Variants in DLC1 observed in about 807,000 individuals in gnomAD.
DLC1 encodes DLC1 Rho GTPase activating protein.
DLC1 carries 54 observed loss-of-function variants against 140.3 expected under a neutral mutation model. The ratio of observed to expected loss-of-function variants is 0.38; its 90% CI spans 0.31 to 0.48. The LOEUF is 0.48. Among genes scored for constraint, DLC1 ranks in the 20% least tolerant of loss-of-function variants. The pLI is 0.96. For missense variants in DLC1, 2,536 were observed against 1,907.0 expected (o/e 1.33, Z -6.14); for synonymous variants, 986 against 728.1 (o/e 1.35, Z -5.70).
In DLC1 at chr8:13,088,629, G is replaced by A. The variant is rs778397065; in HGVS notation, c.4150C>T (p.Arg1384Cys). Residue 1384 changes from arginine to cysteine, a missense_variant, in exon 16 of 18, where the codon CGC becomes TGC. Arg to Cys is a radical substitution (Grantham distance 180, BLOSUM62 -3). Coordinates refer to ENST00000276297, the MANE Select transcript of DLC1 (RefSeq NM_182643.3). The stretch of plus-strand genomic sequence containing the variant: ...CAGAGGTGCTGTTCTTTAAGTAGGC[G>A]CTTTAAGATTTCCTCTGGCACAGCA... ...VPAVPEEILK[R>C]LLKEQHLWDV... The A allele has an allele frequency of 1.1e-5, 18 of 1,614,008 alleles. No homozygotes were observed. Among genetic ancestry groups the A allele is most frequent in the East Asian group, 6.7e-5 (3 of 44,892 alleles).
chr8:13,497,068 G>C (rs1801548497), intron 2 of DLC1, among the ~76,000 whole-genome samples: 1 of 152,072 alleles, frequency 6.6e-6, no homozygotes, highest in South Asian at 2.1e-4. Context: ...CCAAAGTGCT[G>C]GGATTACAGG....
At chr8:13,101,010 C>G (rs755887465) in intron 8 of DLC1, 1 of 420,040 alleles carries the variant, frequency 2.4e-6, no homozygotes, top group Non-Finnish European at 4.1e-6. Flanking sequence ...CCACCTGAGC[C>G]TCCCAAAGTG....
At chr8:13,592,651 A>G (rs1369866797) in intron 1 of DLC1, among the ~76,000 whole-genome samples, 1 of 152,104 alleles carries the variant, frequency 6.6e-6, no homozygotes, top group African/African-American at 2.4e-5. Flanking sequence ...GGGGCCTGCC[A>G]AGGTTTCCCC....
intron 4 of DLC1, among the ~76,000 whole-genome samples, chr8:13,328,093 AG>A (rs2116932569): frequency 6.6e-6 from 1 of 152,298 alleles, no homozygotes; most frequent in African/African-American, 2.4e-5. Flanking sequence ...GATGCTGCTG[AG>A]GCGGTCACTA....
At position 13,115,625 on chromosome 8, in the gene DLC1, G is replaced by A. The variant is rs780267682; in HGVS notation, c.1381C>T (p.Arg461Trp). Residue 461 changes from arginine to tryptophan, a missense_variant, in exon 6 of 18, where the codon CGG becomes TGG. Transcript: ENST00000276297. ...IEAKEACDWL[R>W]ATGFPQYAQL... ...GCATACTGGGGGAAACCAGTTGCCCGTAGCCAATCACAAGCTTCCTTGGCT... is the reference window on the plus strand; with the variant it reads ...GCATACTGGGGGAAACCAGTTGCCCATAGCCAATCACAAGCTTCCTTGGCT... 20 of 1,613,938 alleles carry A rather than the reference G, an allele frequency of 1.2e-5. No individual in the cohort carries two copies. Among genetic ancestry groups the A allele is most frequent in the East Asian group, 2.2e-5 (1 of 44,858 alleles).
chr8:13,470,735 A>G (rs1203507779), intron 2 of DLC1, among the ~76,000 whole-genome samples: 1 of 152,202 alleles, frequency 6.6e-6, no homozygotes, highest in African/African-American at 2.4e-5. Context: ...TAAAAAATGG[A>G]TAATAGAACT....
chr8:13,358,691 C>A (rs1380547556), intron 4 of DLC1, among the ~76,000 whole-genome samples: 8 of 149,304 alleles, frequency 5.4e-5, no homozygotes, highest in South Asian at 2.1e-4. Context: ...AGGAAGGAGC[C>A]AAAAAAAAAT....
At chr8:13,291,981 A>G (rs1006381523) in intron 5 of DLC1, among the ~76,000 whole-genome samples, 1 of 68,766 alleles carries the variant, frequency 1.5e-5, no homozygotes, top group Non-Finnish European at 3.0e-5. Context: ...AAAAAATGCA[A>G]TGTTTTCTTT....
chr8:13,143,073 G>T (rs928712585), intron 5 of DLC1, among the ~76,000 whole-genome samples: 6 of 150,514 alleles, frequency 4.0e-5, no homozygotes, highest in Non-Finnish European at 5.9e-5. Context: ...GAATTAGAGG[G>T]AGAAACTAAC....
At chr8:13,173,025 G>T (rs894936525) in intron 5 of DLC1, among the ~76,000 whole-genome samples, 1 of 152,284 alleles carries the variant, frequency 6.6e-6, no homozygotes, top group Non-Finnish European at 1.5e-5. Flanking sequence ...ACAGCATTTT[G>T]TCCTGGCACA....
At chr8:13,276,249 C>G in intron 5 of DLC1, 1 of 1,535,382 alleles carries the variant, frequency 6.5e-7, no homozygotes, top group Non-Finnish European at 8.7e-7. Context: ...TCCAATCCCC[C>G]TCTGCCTCTC....
chr8:13,592,982 C>T (rs1805568735), intron 1 of DLC1, among the ~76,000 whole-genome samples: 1 of 152,000 alleles, frequency 6.6e-6, no homozygotes, highest in Admixed American at 6.6e-5. Context: ...CAAATATTTC[C>T]AAGCCTAAGT....
At chr8:13,578,575 C>A (rs1446233827) in intron 1 of DLC1, among the ~76,000 whole-genome samples, 1 of 152,220 alleles carries the variant, frequency 6.6e-6, no homozygotes, top group Non-Finnish European at 1.5e-5. Flanking sequence ...GTCATCTACA[C>A]TTCTGACTGA....
chr8:13,513,345 C>T (rs1372949224), intron 1 of DLC1, among the ~76,000 whole-genome samples: 1 of 151,972 alleles, frequency 6.6e-6, no homozygotes, highest in Non-Finnish European at 1.5e-5. Flanking sequence ...GATTCTTTTT[C>T]TCATATTTAA....
At position 13,191,155 on chromosome 8, in the gene DLC1, G is replaced by A. The variant is rs369780881; in HGVS notation, c.1349-75498C>T. 9.2e-5 allele frequency among the ~76,000 whole-genome samples: 14 copies of A among 152,274 alleles called. No individual in the cohort carries two copies. The South Asian group carries it at 1.2e-3, about 14-fold the overall frequency. ...AAAGTGGAGTTCCTGAGGCCTCTTC[G>A]TAGCCACATGATTTATAGGAAGCCA... On this transcript the variant is annotated intron_variant, in intron 5 of 17. Coordinates refer to ENST00000276297, the MANE Select transcript of DLC1 (RefSeq NM_182643.3).
At chr8:13,343,839 A>G (rs1834186435) in intron 4 of DLC1, among the ~76,000 whole-genome samples, 1 of 152,174 alleles carries the variant, frequency 6.6e-6, no homozygotes, top group African/African-American at 2.4e-5. Context: ...TTTTCTGGCC[A>G]TTGGTCTGAA....
chr8:13,456,580 T>G (rs1799400439), intron 2 of DLC1, among the ~76,000 whole-genome samples: 1 of 152,186 alleles, frequency 6.6e-6, no homozygotes, highest in South Asian at 2.1e-4. Flanking sequence ...TGCCTCAGCT[T>G]CCTGAGTAGC....
intron 4 of DLC1, among the ~76,000 whole-genome samples, chr8:13,329,340 T>C (rs1001540836): frequency 1.7e-4 from 26 of 151,842 alleles, no homozygotes; most frequent in African/African-American, 6.3e-4. Context: ...GTCCAGATCA[T>C]TGGGATGCAT....
chr8:13,127,374 G>A (rs751489523), intron 5 of DLC1, among the ~76,000 whole-genome samples: 2 of 152,176 alleles, frequency 1.3e-5, no homozygotes, highest in African/African-American at 4.8e-5. Flanking sequence ...CCCCTCAGTC[G>A]GGAAAAGGCA....
Sources: allele counts gnomAD v4.1 joint callset (sites outside exome capture counted in the v4.1 genomes callset), GRCh38; gene constraint gnomAD v4.1.1; transcripts MANE v1.5; gene names NCBI Gene and HGNC (gene_info 2026-07-23, HGNC 2026-07-21).